The following TMEM108 variants were observed in gnomAD, a reference collection of about 807,000 sequenced individuals.
TMEM108 encodes the protein transmembrane protein 108.
In TMEM108, 12 loss-of-function variants were observed where a neutral mutation model predicts 35.1. The observed-to-expected ratio is 0.34, with a 90% CI of 0.22 to 0.55. The LOEUF is 0.55. TMEM108 is among the 20% of genes least tolerant of loss of function. The pLI is 0.89. For synonymous variants in TMEM108, 287 were observed against 308.6 expected (o/e 0.93, Z 0.73); for missense variants, 680 against 753.3 (o/e 0.90, Z 1.14).
At chr3:133,062,792 C>A (rs969913405) in intron 2 of TMEM108, among the ~76,000 whole-genome samples, 4 of 152,188 alleles carry the variant, frequency 2.6e-5, no homozygotes, top group African/African-American at 9.7e-5. Context: ...CATATTGTGG[C>A]TTTCGAGTGA....
At chr3:133,217,230 C>T (rs1443928281) in intron 2 of TMEM108, among the ~76,000 whole-genome samples, 3 of 151,894 alleles carry the variant, frequency 2.0e-5, no homozygotes, top group South Asian at 2.1e-4. Flanking sequence ...TGGGTATATC[C>T]TCTTTTGAGA....
chr3:133,173,547 A>G (rs1945162097), intron 2 of TMEM108, among the ~76,000 whole-genome samples: 1 of 152,262 alleles, frequency 6.6e-6, no homozygotes, highest in African/African-American at 2.4e-5. Flanking sequence ...AAGTGAAGGT[A>G]TATTACAGGC....
At chr3:133,293,599 A>C (rs538213531) in intron 3 of TMEM108, among the ~76,000 whole-genome samples, 1 of 152,114 alleles carries the variant, frequency 6.6e-6, no homozygotes, top group East Asian at 1.9e-4. Context: ...CCAACTTTCA[A>C]GCATAACTAG....
chr3:133,262,538 G>C lies in TMEM108; in HGVS notation c.40+33187G>C, dbSNP rs949107521. On this transcript the variant is annotated intron_variant, in intron 3 of 5. Transcript: ENST00000321871. ...CTCAAACAAAAATGGGAGAGACATA[G>C]CAGTGAGCTTTTATCTTCACTGCTT... is the stretch of plus-strand genomic sequence containing the variant. Among the ~76,000 whole-genome samples, 3 of 152,342 alleles carry C rather than the reference G, an allele frequency of 2.0e-5. No individual in the cohort carries two copies. In the South Asian group the frequency reaches 6.2e-4, roughly 32 times the overall value.
At chr3:133,076,191 T>C (rs1943740743) in intron 2 of TMEM108, among the ~76,000 whole-genome samples, 1 of 151,060 alleles carries the variant, frequency 6.6e-6, no homozygotes, top group African/African-American at 2.5e-5. Flanking sequence ...CAAATTTTTT[T>C]ATCAGTTATG....
At chr3:133,061,364 C>T (rs796741028) in intron 2 of TMEM108, among the ~76,000 whole-genome samples, 9 of 152,174 alleles carry the variant, frequency 5.9e-5, no homozygotes, top group African/African-American at 2.2e-4. Flanking sequence ...GCGCCCGCCA[C>T]CACACCCAGC....
At chr3:133,219,428 A>G (rs191766016) in intron 2 of TMEM108, among the ~76,000 whole-genome samples, 41 of 148,656 alleles carry the variant, frequency 2.8e-4, no homozygotes, top group Non-Finnish European at 4.8e-4. Flanking sequence ...TTGTTGATGT[A>G]TGATGTTAGT....
chr3:133,147,155 G>A (rs558508847), intron 2 of TMEM108, among the ~76,000 whole-genome samples: 56 of 152,214 alleles, frequency 3.7e-4, no homozygotes, highest in African/African-American at 1.1e-3. Flanking sequence ...ATTCTGTTAC[G>A]TTGTGTCTTT....
intron 3 of TMEM108, among the ~76,000 whole-genome samples, chr3:133,353,748 G>A (rs559487374): frequency 1.3e-5 from 2 of 152,314 alleles, no homozygotes; most frequent in East Asian, 3.9e-4. Context: ...ACACATAGAG[G>A]TGGTTTAGGA....
rs149643625 is a variant in TMEM108 at position 133,082,231 on chromosome 3, T to C, written c.-47+36211T>C. 8.1e-3 allele frequency among the ~76,000 whole-genome samples: 1,241 copies of C among 152,342 alleles called. 24 individuals are homozygous for C. The highest frequency in any genetic ancestry group is 0.028 in the African/African-American group (1,150 of 41,572). ...AGCAAAACCAGGCTTCTCTGGAGTT[T>C]ACAGTCTACTGGGGGAAATAAATGC... is the stretch of plus-strand genomic sequence containing the variant. On this transcript the variant is annotated intron_variant, in intron 2 of 5. Coordinates refer to ENST00000321871, the MANE Select transcript of TMEM108 (RefSeq NM_023943.4).
chr3:133,258,653 T>C (rs1359815572), intron 3 of TMEM108, among the ~76,000 whole-genome samples: 2 of 152,214 alleles, frequency 1.3e-5, no homozygotes, highest in African/African-American at 4.8e-5. Flanking sequence ...CACTGCCTCA[T>C]ACTGCTATTC....
chr3:133,282,471 TAC>T lies in TMEM108; in HGVS notation c.40+53124_40+53125del, dbSNP rs367809139. 2.4e-3 allele frequency among the ~76,000 whole-genome samples: 366 copies of T among 152,352 alleles called. 1 individual carries two copies. The highest frequency in any genetic ancestry group is 8.4e-3 in the African/African-American group (348 of 41,584). Reference sequence around the variant, plus strand: ...CCACCACAACATATCCATGTTTCTTTACACAGTCATCTTGTTTCTTACATCTT... The same window carrying T: ...CCACCACAACATATCCATGTTTCTTTACAGTCATCTTGTTTCTTACATCTT... On this transcript the variant is annotated intron_variant, in intron 3 of 5. Coordinates refer to ENST00000321871, the MANE Select transcript of TMEM108 (RefSeq NM_023943.4).
intron 2 of TMEM108, among the ~76,000 whole-genome samples, chr3:133,135,609 A>G (rs1944554662): frequency 1.3e-5 from 2 of 152,210 alleles, no homozygotes; most frequent in Non-Finnish European, 2.9e-5. Flanking sequence ...GATTAGATGC[A>G]TTATTTAGAG....
In TMEM108 at chr3:133,251,131, G is replaced by A. The variant is rs1378356830; in HGVS notation, c.40+21780G>A. ...TCATTCTGTAACCCAAAGGGACATG[G>A]AATGAGATTGATAGACAAAGATAAG... is the stretch of plus-strand genomic sequence containing the variant. On this transcript the variant is annotated intron_variant, in intron 3 of 5. Transcript: ENST00000321871. Among the ~76,000 whole-genome samples, 4 of 152,230 alleles carry A rather than the reference G, an allele frequency of 2.6e-5. No homozygotes were observed. The East Asian group carries it at 7.7e-4, about 29-fold the overall frequency.
intron 3 of TMEM108, among the ~76,000 whole-genome samples, chr3:133,317,050 T>C (rs139120576): frequency 4.7e-4 from 71 of 149,936 alleles, no homozygotes; most frequent in African/African-American, 1.5e-3. Flanking sequence ...GGTTTGTAGA[T>C]ACCTTTGTGC....
intron 4 of TMEM108, among the ~76,000 whole-genome samples, chr3:133,385,002 G>A (rs1042889356): frequency 1.3e-5 from 2 of 152,074 alleles, no homozygotes; most frequent in African/African-American, 4.8e-5. Flanking sequence ...AGAGCAGTCT[G>A]GCCTCCTTCT....
At chr3:133,267,364 G>A (rs747059335) in intron 3 of TMEM108, among the ~76,000 whole-genome samples, 11 of 152,144 alleles carry the variant, frequency 7.2e-5, no homozygotes, top group South Asian at 2.1e-4. Context: ...GCGGAGAGGC[G>A]TCTGCTCAAA....
intron 3 of TMEM108, among the ~76,000 whole-genome samples, chr3:133,238,002 C>G (rs1349086706): frequency 6.6e-6 from 1 of 152,094 alleles, no homozygotes; most frequent in African/African-American, 2.4e-5. Context: ...AACCTCTGAC[C>G]TAAAGGATAA....
chr3:133,339,852 C>A (rs1269857090), intron 3 of TMEM108, among the ~76,000 whole-genome samples: 1 of 151,702 alleles, frequency 6.6e-6, no homozygotes, highest in African/African-American at 2.4e-5. Flanking sequence ...CCTGAATGAC[C>A]AGTGGGTCAA....
Sources: gnomAD v4.1 joint callset for allele counts (sites outside exome capture counted in the v4.1 genomes callset) on GRCh38, gnomAD v4.1.1 for gene constraint, MANE v1.5 for transcripts, NCBI Gene and HGNC (gene_info 2026-07-23, HGNC 2026-07-21) for gene names.